BRD1: variants seen among roughly 807,000 people sequenced by gnomAD.
The protein encoded by BRD1 is bromodomain-containing protein 1.
A neutral mutation model predicts 107.7 loss-of-function variants in BRD1; 24 were observed. That is an observed-to-expected ratio of 0.22 (90% confidence interval 0.16 to 0.31). The LOEUF is 0.31. Among genes scored for constraint, BRD1 ranks in the 10% least tolerant of loss-of-function variants. The pLI is 1.00. For missense variants in BRD1, 1,279 were observed against 1,638.6 expected (o/e 0.78, Z 3.79); for synonymous variants, 744 against 686.1 (o/e 1.08, Z -1.32).
chr22:49,788,513 C>T (rs1272209552), intron 7 of BRD1, among the ~76,000 whole-genome samples: 1 of 152,188 alleles, frequency 6.6e-6, no homozygotes, highest in Non-Finnish European at 1.5e-5. Context: ...AAAAATCTGA[C>T]TTTTAAAAAT....
chr22:49,776,960 G>A lies in BRD1; in HGVS notation c.3121+74C>T, dbSNP rs888644234. ...ACCATGCTCCCTGAGCCGGAGTCCA[G>A]TCCCCAGCAGTCGAGCCCTAAGACG... On this transcript the variant is annotated intron_variant, in intron 10 of 12. Coordinates refer to ENST00000404760, the MANE Select transcript of BRD1 (RefSeq NM_001304808.3). The A allele has an allele frequency of 3.1e-6, 5 of 1,591,170 alleles. No homozygotes were observed. The East Asian group carries it at 1.1e-4, about 36-fold the overall frequency.
In BRD1 at chr22:49,803,388, C is replaced by T. The variant is rs2147194324; in HGVS notation, c.1524+816G>A. Among the ~76,000 whole-genome samples, 1 of 152,336 alleles carries T rather than the reference C, an allele frequency of 6.6e-6. No homozygotes were observed. Among genetic ancestry groups the T allele is most frequent in the Non-Finnish European group, 1.5e-5 (1 of 68,042 alleles). ...GAGGAAATTCCAAGAGGCACTCAGG[C>T]CACGCGACGCCAGCAGCAGACAGCT... On this transcript the variant is annotated intron_variant, in intron 3 of 12. Transcript: ENST00000404760. This position sits in a 1 kb window ranked among gnomAD's most constrained non-coding sequence, Gnocchi z 4.4.
At chr22:49,807,778 G>A (rs763464557) in intron 2 of BRD1, among the ~76,000 whole-genome samples, 9 of 152,178 alleles carry the variant, frequency 5.9e-5, no homozygotes, top group African/African-American at 9.7e-5. Context: ...ATGTTAAAAT[G>A]TGTGCATTAA....
intron 1 of BRD1, among the ~76,000 whole-genome samples, chr22:49,827,156 G>C (rs933963276): frequency 6.6e-6 from 1 of 151,358 alleles, no homozygotes; most frequent in Non-Finnish European, 1.5e-5. Flanking sequence ...CTCGAGCGCG[G>C]ACTCCGGGCA....
intron 10 of BRD1, 96 bp from the exon 11 acceptor site, chr22:49,776,255 G>A (rs939854799): frequency 1.6e-4 from 172 of 1,078,508 alleles, no homozygotes; most frequent in Admixed American, 7.0e-4. Context: ...TGGGTCCCCC[G>A]AGCACAGCCC....
chr22:49,810,330 G>A (rs1345234277), intron 2 of BRD1, among the ~76,000 whole-genome samples: 2 of 152,130 alleles, frequency 1.3e-5, no homozygotes, highest in African/African-American at 4.8e-5. Flanking sequence ...AACAGCCTGG[G>A]CAACACAGTG....
chr22:49,810,489 C>T (rs890513766), intron 2 of BRD1, among the ~76,000 whole-genome samples: 4 of 152,182 alleles, frequency 2.6e-5, no homozygotes, highest in Admixed American at 2.6e-4. Context: ...TGGACTCCAT[C>T]CAACTTGTAA....
intron 10 of BRD1, among the ~76,000 whole-genome samples, chr22:49,776,720 T>C (rs1044170367): frequency 2.6e-5 from 4 of 152,208 alleles, no homozygotes; most frequent in African/African-American, 9.7e-5. Context: ...CCTGTGCAGC[T>C]GCAAATGACC....
intron 8 of BRD1, among the ~76,000 whole-genome samples, chr22:49,784,864 G>A (rs76045417): frequency 3.7e-4 from 56 of 152,286 alleles, no homozygotes; most frequent in African/African-American, 1.3e-3. Context: ...TCCCACTCCC[G>A]AGGGCCTGGT....
At chr22:49,779,456 C>T (rs975252206) in intron 8 of BRD1, among the ~76,000 whole-genome samples, 1 of 152,198 alleles carries the variant, frequency 6.6e-6, no homozygotes, top group African/African-American at 2.4e-5. Context: ...AAGTCAGACA[C>T]CGGCTCCGTC....
chr22:49,822,865 A>G (rs1475326443), intron 2 of BRD1, 86 bp downstream of exon 2: 10 of 1,479,958 alleles, frequency 6.8e-6, no homozygotes, highest in Non-Finnish European at 8.2e-6. Flanking sequence ...ATGACCACAC[A>G]GCACGGGCCC....
chr22:49,804,946 C>T (rs933933382), intron 2 of BRD1, among the ~76,000 whole-genome samples: 2 of 152,160 alleles, frequency 1.3e-5, no homozygotes, highest in Non-Finnish European at 2.9e-5. Flanking sequence ...CTGAGCAAAG[C>T]CTTCAACAGT....
At chr22:49,794,925 ATAAG>A (rs1015668790) in intron 6 of BRD1, among the ~76,000 whole-genome samples, 5 of 152,324 alleles carry the variant, frequency 3.3e-5, no homozygotes, top group Non-Finnish European at 5.9e-5. Flanking sequence ...ATTACCTTAA[ATAAG>A]TAAGAGATGG....
intron 2 of BRD1, among the ~76,000 whole-genome samples, chr22:49,820,133 A>G (rs1470247154): frequency 6.6e-6 from 1 of 151,982 alleles, no homozygotes; most frequent in African/African-American, 2.4e-5. Context: ...CCACCTCAAA[A>G]AAAAGGGGGG....
At chr22:49,785,152 C>T (rs1293339850) in intron 8 of BRD1, among the ~76,000 whole-genome samples, 1 of 152,258 alleles carries the variant, frequency 6.6e-6, no homozygotes, top group Non-Finnish European at 1.5e-5. Context: ...CTACAAGGGA[C>T]ATCTGATGAA....
intron 8 of BRD1, among the ~76,000 whole-genome samples, chr22:49,785,493 G>A (rs539434966): frequency 5.3e-5 from 8 of 152,344 alleles, no homozygotes; most frequent in Non-Finnish European, 7.3e-5. Flanking sequence ...ACCCTGACCC[G>A]ATTCATCACA....
intron 12 of BRD1, 121 bp from the exon 13 acceptor site, chr22:49,774,537 C>A: frequency 8.9e-7 from 1 of 1,126,032 alleles, no homozygotes; most frequent in Non-Finnish European, 1.3e-6. Flanking sequence ...TCAGCACCAC[C>A]AAGACAGCTG....
chr22:49,793,474 C>G (rs899780148), intron 7 of BRD1, among the ~76,000 whole-genome samples: 2 of 152,226 alleles, frequency 1.3e-5, no homozygotes, highest in Non-Finnish European at 2.9e-5. Context: ...CGGCTGCTAC[C>G]TACCAACTCT....
In BRD1 at chr22:49,777,175, A is replaced by G. The variant is rs750732841; in HGVS notation, c.2994-14T>C. ...GGCGCATTAAAGCTTCGGGAGGAAG[A>G]GCAGAGGGAGTCAGGCGCCCCGCCC... On this transcript the variant is annotated splice_polypyrimidine_tract_variant and intron_variant, in intron 9 of 12. Transcript: ENST00000404760. The G allele has an allele frequency of 3.1e-6, 5 of 1,611,546 alleles. No homozygotes were observed. In the South Asian group the frequency reaches 4.4e-5, roughly 14 times the overall value.
Sources: allele counts gnomAD v4.1 joint callset (sites outside exome capture counted in the v4.1 genomes callset), GRCh38; gene constraint gnomAD v4.1.1; non-coding constraint Gnocchi (gnomAD v3.1); transcripts MANE v1.5; gene names NCBI Gene and HGNC (gene_info 2026-07-23, HGNC 2026-07-21).